Variants in PDK3 observed in about 807,000 individuals in gnomAD.
PDK3 encodes the protein pyruvate dehydrogenase kinase 3.
PDK3 carries 12 observed loss-of-function variants against 32.0 expected under a neutral mutation model. The observed-to-expected ratio is 0.37, with a 90% CI of 0.24 to 0.61. The LOEUF is 0.61. Among genes scored for constraint, PDK3 ranks in the 20% least tolerant of loss-of-function variants. PDK3 has a pLI of 0.65. For synonymous variants in PDK3, 122 were observed against 116.3 expected, an observed-to-expected ratio of 1.05 and a Z score of -0.31; for missense variants, 188 against 316.9, an observed-to-expected ratio of 0.59 and a Z score of 3.09.
intron 6 of PDK3, among the ~76,000 whole-genome samples, chrX:24,525,548 A>G (rs969364902): frequency 2.7e-5 from 3 of 111,941 alleles, no homozygotes; most frequent in African/African-American, 9.8e-5. Context: ...GAAGGACTGT[A>G]TTTTTGAGCA....
intron 6 of PDK3, among the ~76,000 whole-genome samples, chrX:24,524,529 A>G (rs1165037747): frequency 8.9e-6 from 1 of 112,227 alleles, no homozygotes; most frequent in Non-Finnish European, 1.9e-5. Flanking sequence ...TCCAAGGGAC[A>G]CATGAATCAT....
chrX:24,486,465 G>A (rs1348219759), intron 1 of PDK3, among the ~76,000 whole-genome samples: 4 of 111,352 alleles, frequency 3.6e-5, no homozygotes, highest in African/African-American at 1.3e-4. Flanking sequence ...TCTGCGTGCT[G>A]TCTAAATTCC....
At chrX:24,517,675 T>G (rs1922291112) in intron 5 of PDK3, among the ~76,000 whole-genome samples, 1 of 112,915 alleles carries the variant, frequency 8.9e-6, no homozygotes, top group Non-Finnish European at 1.9e-5. Flanking sequence ...AATGCACCTT[T>G]GCTTTCTGAA....
intron 9 of PDK3, among the ~76,000 whole-genome samples, chrX:24,531,396 T>C (rs1922647121): frequency 8.9e-6 from 1 of 112,317 alleles, no homozygotes; most frequent in African/African-American, 3.2e-5. Context: ...AAAATTTTGC[T>C]TTAAAATGCT....
intron 3 of PDK3, 173 bp downstream of exon 3, chrX:24,499,073 G>C: frequency 3.0e-6 from 1 of 328,667 alleles, no homozygotes; most frequent in Non-Finnish European, 5.3e-6. Context: ...AGCTAAGAAT[G>C]TAACACAATA....
chrX:24,470,065 C>G (rs1920975676), intron 1 of PDK3, among the ~76,000 whole-genome samples: 1 of 111,522 alleles, frequency 9.0e-6, no homozygotes, highest in Admixed American at 9.5e-5. Flanking sequence ...TGATGAACTC[C>G]TGGGTTTGTT....
At chrX:24,496,650 C>T (rs1258408743) in intron 2 of PDK3, among the ~76,000 whole-genome samples, 1 of 96,921 alleles carries the variant, frequency 1.0e-5, no homozygotes, top group Non-Finnish European at 2.0e-5. Flanking sequence ...GTTTCACTGC[C>T]ATTTTTTCCT....
exon 12 of PDK3, among the ~76,000 whole-genome samples, chrX:24,540,499 G>A (rs1340101116): frequency 3.6e-5 from 4 of 112,147 alleles, no homozygotes; most frequent in Non-Finnish European, 1.9e-5. Context: ...TCCCACCACC[G>A]TGGGGGATTT....
chrX:24,484,547 G>A (rs113476354), intron 1 of PDK3, among the ~76,000 whole-genome samples: 2,245 of 111,702 alleles, frequency 0.02, 62 homozygotes, highest in African/African-American at 0.069. Flanking sequence ...GCAGATATAT[G>A]TTTCAAAAGA....
chrX:24,501,427 C>A (rs1963227), intron 3 of PDK3, among the ~76,000 whole-genome samples: 3 of 112,910 alleles, frequency 2.7e-5, no homozygotes, highest in Non-Finnish European at 5.6e-5. Flanking sequence ...TTAAATACAT[C>A]TGTTGGCCGG....
chrX:24,529,737 C>T (rs181077229), intron 9 of PDK3, among the ~76,000 whole-genome samples: 1,158 of 98,453 alleles, frequency 0.012, 22 homozygotes, highest in African/African-American at 0.041. Flanking sequence ...CCAGCCTGGG[C>T]GACAGAGCGA....
exon 12 of PDK3, chrX:24,547,995 A>G (rs1191295241): frequency 1.8e-5 from 2 of 112,475 alleles, no homozygotes; most frequent in Non-Finnish European, 3.8e-5. Flanking sequence ...AGAGATCAAA[A>G]TGATTTTATA....
rs367744602 is a variant in PDK3 at position 24,527,770 on chromosome X, T to C, written c.852+95T>C. On this transcript the variant is annotated intron_variant, in intron 8 of 10. Coordinates refer to ENST00000379162, the MANE Select transcript of PDK3 (RefSeq NM_005391.5). Reference sequence around the variant, plus strand: ...TCAGAGGGAAGGAAATTGACATTTATTGAGTGTCCTGTTTGTAAGTTCTAT... The same window carrying C: ...TCAGAGGGAAGGAAATTGACATTTACTGAGTGTCCTGTTTGTAAGTTCTAT... The C allele has an allele frequency of 2.6e-4, 139 of 540,503 alleles. 3 individuals are homozygous for C. The highest frequency in any genetic ancestry group is 2.0e-3 in the East Asian group (55 of 27,144). The allele number at this position is 540,503 out of a possible 1,213,427, so 44.5% of individuals were successfully genotyped here.
chrX:24,523,827 A>G (rs780026672), intron 6 of PDK3, among the ~76,000 whole-genome samples: 1 of 111,773 alleles, frequency 8.9e-6, no homozygotes, highest in South Asian at 3.8e-4. Flanking sequence ...AGAGAGCTCT[A>G]AGTCAGGCTT....
In PDK3 at chrX:24,512,430, G is replaced by A. The variant is rs1016202039; in HGVS notation, c.596-6503G>A. Among the ~76,000 whole-genome samples, 4 of 111,654 alleles carry A rather than the reference G, an allele frequency of 3.6e-5. No individual in the cohort carries two copies. The Admixed American group carries it at 3.8e-4, about 11-fold the overall frequency. ...AAATAATGTCTTGTGCTCTCACTTT[G>A]GGCTCTTCAGGTTACAAGTAACAGA... On this transcript the variant is annotated intron_variant, in intron 5 of 10. Transcript: ENST00000379162.
chrX:24,467,151 TATC>T (rs1247807817), intron 1 of PDK3, among the ~76,000 whole-genome samples: 3 of 112,145 alleles, frequency 2.7e-5, no homozygotes, highest in Non-Finnish European at 5.6e-5. Flanking sequence ...AGGATAGTGT[TATC>T]ATGGAAAACC....
chrX:24,478,575 A>G (rs1004334686), intron 1 of PDK3, among the ~76,000 whole-genome samples: 10 of 112,004 alleles, frequency 8.9e-5, no homozygotes, highest in Admixed American at 1.9e-4. Context: ...GCTGGGTTTG[A>G]TTGTGACCCA....
chrX:24,504,226 AT>A (rs1407211301), intron 4 of PDK3, among the ~76,000 whole-genome samples: 4 of 112,394 alleles, frequency 3.6e-5, no homozygotes, highest in Admixed American at 9.5e-5. Context: ...AATTTGATTT[AT>A]TTGGATAACT....
rs781685582 is a variant in PDK3, at chrX:24,494,856, G to T, written c.221G>T (p.Arg74Leu). The change falls in exon 2 of 11, where the codon CGC becomes CTC. Residue 74 changes from arginine to leucine, a missense_variant. Coordinates refer to ENST00000379162, the MANE Select transcript of PDK3 (RefSeq NM_005391.5). The stretch of plus-strand genomic sequence containing the variant: ...CTTCTGCCGGATAATTTACTTAACC[G>T]CCCTTCAGTGGGATTGGTTCAGAGT... The part of the protein sequence containing the change: ...VNLLPDNLLN[R>L]PSVGLVQSWY... The T allele has an allele frequency of 8.3e-7, 1 of 1,205,891 alleles. No individual in the cohort carries two copies. Among genetic ancestry groups the T allele is most frequent in the South Asian group, 1.8e-5 (1 of 56,399 alleles).
Sources: gnomAD v4.1 joint callset for allele counts (sites outside exome capture counted in the v4.1 genomes callset) on GRCh38, gnomAD v4.1.1 for gene constraint, MANE v1.5 for transcripts, NCBI Gene and HGNC (gene_info 2026-07-23, HGNC 2026-07-21) for gene names.